Variants in CDH10 observed in about 807,000 individuals in gnomAD.
CDH10 encodes cadherin 10, also known as cadherin-10.
Under a neutral mutation model 73.1 loss-of-function variants are expected in CDH10, and 30 were observed. The observed-to-expected ratio is 0.41, with a 90% CI of 0.31 to 0.56. The LOEUF is 0.56. Ranked by LOEUF, CDH10 falls within the 20% of genes least tolerant of loss-of-function variation. The pLI is 0.27. For missense variants in CDH10, 815 were observed against 973.7 expected (o/e 0.84, Z 2.17); for synonymous variants, 345 against 348.2 (o/e 0.99, Z 0.10).
At chr5:24,492,543 G>GT (rs1742101917) in intron 10 of CDH10, among the ~76,000 whole-genome samples, 2 of 152,150 alleles carry the variant, frequency 1.3e-5, no homozygotes, top group African/African-American at 4.8e-5. Context: ...TATTATTGTT[G>GT]TAAGAATTAT....
intron 1 of CDH10, among the ~76,000 whole-genome samples, chr5:24,640,695 C>G (rs1421579217): frequency 1.3e-5 from 2 of 151,790 alleles, no homozygotes; most frequent in Non-Finnish European, 1.5e-5. Context: ...TGAAGGAATG[C>G]TACATTTTAT....
Position 24,527,888 on chromosome 5 carries a change from CAGAGAG to C in CDH10, c.814+7218_814+7223del, listed in dbSNP as rs547669527. 2.2e-4 allele frequency among the ~76,000 whole-genome samples: 34 copies of C among 151,698 alleles called. No homozygotes were observed. The East Asian group carries it at 6.4e-3, about 29-fold the overall frequency. On this transcript the variant is annotated intron_variant, in intron 5 of 11. Transcript: ENST00000264463. ...TACGTGTGTCTGTGTGTATCAGAGA[CAGAGAG>C]AGAGATTGTGTCTGTTTATCCTACC...
rs185910559 is a variant in CDH10, at chr5:24,582,895, A to G, written c.231+10365T>C. The stretch of plus-strand genomic sequence containing the variant: ...GATGTGGAAAAATAGTTACTTTCCT[A>G]GTCATTGGTTTAGGTTGAAACAACC... On this transcript the variant is annotated intron_variant, in intron 2 of 11. Transcript: ENST00000264463. Among the ~76,000 whole-genome samples, 1,100 of 152,304 alleles carry G rather than the reference A, an allele frequency of 7.2e-3. 6 individuals are homozygous for G. The highest frequency in any genetic ancestry group is 0.02 in the Middle Eastern group (6 of 294).
chr5:24,554,550 C>G (rs1320673692), intron 2 of CDH10, among the ~76,000 whole-genome samples: 1 of 149,782 alleles, frequency 6.7e-6, no homozygotes, highest in Non-Finnish European at 1.5e-5. Flanking sequence ...GATGGCTTTC[C>G]TCAAATGTCT....
At chr5:24,583,602 T>G (rs1318435134) in intron 2 of CDH10, among the ~76,000 whole-genome samples, 1 of 152,186 alleles carries the variant, frequency 6.6e-6, no homozygotes, top group Non-Finnish European at 1.5e-5. Flanking sequence ...ATATAACTGT[T>G]TTGATGTGGT....
At chr5:24,574,102 G>T (rs530914483) in intron 2 of CDH10, among the ~76,000 whole-genome samples, 167 of 151,974 alleles carry the variant, frequency 1.1e-3, no homozygotes, top group Middle Eastern at 0.01. Flanking sequence ...AGCCAGAATG[G>T]TCTCGATCTC....
Position 24,488,111 on chromosome 5 carries a change from T to A in CDH10, c.1919A>T (p.Lys640Ile). 6.2e-7 allele frequency: 1 copy of A among 1,612,490 alleles called. No homozygotes were observed. The highest frequency in any genetic ancestry group is 1.1e-5 in the South Asian group (1 of 90,910). Residue 640 changes from lysine (K) to isoleucine (I), a missense_variant, in exon 12 of 12, where the codon AAA (lysine) becomes ATA (isoleucine). Around this residue, in one of 3 missense-constraint regions of CDH10, gnomAD observed 241 missense variants for 240.3 expected, o/e 1.00. Coordinates refer to ENST00000264463, the MANE Select transcript of CDH10 (RefSeq NM_006727.5). ...TTCTTTTGACAAGATCAGAGGCTCT[T>A]TTTTTCGCTGTCTTTTCAGAGCTGC... ...LFAALKRQRK[K>I]EPLILSKEDI...
At chr5:24,640,259 AAG>A (rs772826200) in intron 1 of CDH10, among the ~76,000 whole-genome samples, 26 of 151,658 alleles carry the variant, frequency 1.7e-4, no homozygotes, top group Non-Finnish European at 3.1e-4. Context: ...AAAAGGAAAA[AAG>A]AGAGGGAGAT....
intron 1 of CDH10, among the ~76,000 whole-genome samples, chr5:24,629,056 T>C (rs377162438): frequency 6.6e-6 from 1 of 152,302 alleles, no homozygotes; most frequent in East Asian, 1.9e-4. Flanking sequence ...ATTCATCTCA[T>C]TGAGGCAAAG....
intron 2 of CDH10, among the ~76,000 whole-genome samples, chr5:24,575,915 T>G (rs1745583537): frequency 1.3e-5 from 2 of 152,082 alleles, no homozygotes; most frequent in Non-Finnish European, 1.5e-5. Context: ...CTCTTTGGAG[T>G]TAACTTCCAA....
intron 1 of CDH10, among the ~76,000 whole-genome samples, chr5:24,614,103 T>G (rs1466984020): frequency 6.6e-6 from 1 of 152,202 alleles, no homozygotes; most frequent in East Asian, 1.9e-4. Context: ...AGGTGCTTCC[T>G]GGTTCTATTT....
At chr5:24,521,199 G>A (rs1183776978) in intron 5 of CDH10, among the ~76,000 whole-genome samples, 1 of 152,134 alleles carries the variant, frequency 6.6e-6, no homozygotes, top group Admixed American at 6.6e-5. Flanking sequence ...TAATGTTGGA[G>A]TCATCAGATG....
chr5:24,583,164 T>C (rs1745864716), intron 2 of CDH10, among the ~76,000 whole-genome samples: 1 of 150,864 alleles, frequency 6.6e-6, no homozygotes, highest in South Asian at 2.1e-4. Context: ...AACATCTTTA[T>C]GTACTGTAAT....
intron 7 of CDH10, 117 bp downstream of exon 7, chr5:24,509,449 C>G: frequency 1.3e-6 from 1 of 794,518 alleles, no homozygotes; most frequent in Non-Finnish European, 2.0e-6. Context: ...CCATGTTGGC[C>G]AGGCTGGTCT....
At chr5:24,553,500 T>TTGTCTTC in intron 2 of CDH10, among the ~76,000 whole-genome samples, 1 of 152,146 alleles carries the variant, frequency 6.6e-6, no homozygotes, top group Non-Finnish European at 1.5e-5. Context: ...TTCCATCTCT[T>TTGTCTTC]TGTCTTCTTG....
intron 2 of CDH10, among the ~76,000 whole-genome samples, chr5:24,592,158 A>G (rs16893583): frequency 0.049 from 7,504 of 151,878 alleles, 324 homozygotes; most frequent in African/African-American, 0.11. Context: ...AGATATTTTA[A>G]AAGGTCTGAA....
At chr5:24,630,496 T>C (rs1030443240) in intron 1 of CDH10, among the ~76,000 whole-genome samples, 1 of 149,922 alleles carries the variant, frequency 6.7e-6, no homozygotes, top group Non-Finnish European at 1.5e-5. Context: ...GAAGCTGCAG[T>C]GATCTGAGAT....
At chr5:24,596,525 C>T (rs1468284852) in intron 1 of CDH10, among the ~76,000 whole-genome samples, 2 of 151,912 alleles carry the variant, frequency 1.3e-5, no homozygotes, top group African/African-American at 2.4e-5. Flanking sequence ...TTTTCTGAAG[C>T]CCACTTCTCC....
chr5:24,540,633 AT>A (rs1744117758), intron 2 of CDH10, among the ~76,000 whole-genome samples: 1 of 151,942 alleles, frequency 6.6e-6, no homozygotes, highest in African/African-American at 2.4e-5. Context: ...TGGGAATATA[AT>A]TAAGAGAAGC....
Sources: gnomAD v4.1 joint callset for allele counts (sites outside exome capture counted in the v4.1 genomes callset) on GRCh38, gnomAD v4.1.1 for gene constraint, gnomAD v4.1.1 regional missense constraint, MANE v1.5 for transcripts, NCBI Gene and HGNC (gene_info 2026-07-23, HGNC 2026-07-21) for gene names.